SCFD2: variants seen among roughly 807,000 people sequenced by gnomAD.
SCFD2 encodes the protein sec1 family domain containing 2, also known as sec1 family domain-containing protein 2.
Under a neutral mutation model 58.9 loss-of-function variants are expected in SCFD2, and 54 were observed. The observed-to-expected ratio is 0.92, with a 90% CI of 0.74 to 1.15. The LOEUF (loss-of-function observed/expected upper bound fraction) is 1.15, where lower values mean the gene tolerates loss of function less well. Ranked by LOEUF, SCFD2 falls within the 50% of genes most tolerant of loss-of-function variation. SCFD2 has a pLI of 0.00. For synonymous variants in SCFD2, 321 were observed against 335.9 expected (o/e 0.96, Z 0.49); for missense variants, 805 against 836.6 (o/e 0.96, Z 0.47).
intron 3 of SCFD2, among the ~76,000 whole-genome samples, chr4:53,288,242 T>C (rs528444667): frequency 5.9e-4 from 90 of 152,246 alleles, no homozygotes; most frequent in Middle Eastern, 3.4e-3. Context: ...TTAGAAAGCC[T>C]GTGGGACTTA....
intron 4 of SCFD2, among the ~76,000 whole-genome samples, chr4:53,173,789 T>TA (rs1727248092): frequency 6.6e-6 from 1 of 152,152 alleles, no homozygotes; most frequent in African/African-American, 2.4e-5. Context: ...TTATGTAAAA[T>TA]ATAACAAGCT....
At chr4:53,149,114 C>A (rs1452699127) in intron 4 of SCFD2, among the ~76,000 whole-genome samples, 1 of 152,160 alleles carries the variant, frequency 6.6e-6, no homozygotes, top group Non-Finnish European at 1.5e-5. Context: ...ACATGTATTT[C>A]CTACTCTGTC....
At chr4:52,911,721 A>G (rs1487068960) in intron 6 of SCFD2, among the ~76,000 whole-genome samples, 1 of 152,158 alleles carries the variant, frequency 6.6e-6, no homozygotes, top group African/African-American at 2.4e-5. Context: ...TATAACAACA[A>G]TTTTGAAATA....
intron 5 of SCFD2, among the ~76,000 whole-genome samples, chr4:53,088,268 T>C (rs1378475064): frequency 6.6e-6 from 1 of 152,156 alleles, no homozygotes; most frequent in Non-Finnish European, 1.5e-5. Flanking sequence ...CAGGGCTGCC[T>C]TCCTTGGTTT....
rs138254106 is a variant in SCFD2 at position 53,320,762 on chromosome 4, T to C, written c.1008-6999A>G. On this transcript the variant is annotated intron_variant, in intron 2 of 8. Transcript: ENST00000401642. ...CTATTTCTTTTATTAAACCTCTTTT[T>C]CTTTTTCACAAGTCCAGTGACAGCA... 2.0e-4 allele frequency among the ~76,000 whole-genome samples: 30 copies of C among 152,358 alleles called. 1 individual carries two copies. In the East Asian group the frequency reaches 5.6e-3, roughly 28 times the overall value.
intron 7 of SCFD2, among the ~76,000 whole-genome samples, chr4:52,899,920 C>T (rs567250254): frequency 1.1e-4 from 16 of 152,146 alleles, no homozygotes; most frequent in Non-Finnish European, 1.8e-4. Context: ...TCGCTGATAC[C>T]CTTTTTTCCA....
chr4:53,226,372 C>G (rs1473146879), intron 4 of SCFD2, among the ~76,000 whole-genome samples: 2 of 151,984 alleles, frequency 1.3e-5, no homozygotes, highest in Non-Finnish European at 2.9e-5. Context: ...CTAGAAAATA[C>G]TGATAAACAT....
chr4:52,991,272 C>T (rs1040155546), intron 5 of SCFD2, among the ~76,000 whole-genome samples: 1 of 152,122 alleles, frequency 6.6e-6, no homozygotes, highest in African/African-American at 2.4e-5. Flanking sequence ...TTCATCCTCA[C>T]CAAAATCTCT....
intron 5 of SCFD2, among the ~76,000 whole-genome samples, chr4:53,141,454 C>A (rs1726162863): frequency 6.6e-6 from 1 of 151,952 alleles, no homozygotes; most frequent in Admixed American, 6.6e-5. Flanking sequence ...AGGAAAAAAA[C>A]AAAACAAAAC....
intron 5 of SCFD2, among the ~76,000 whole-genome samples, chr4:52,927,023 G>A (rs993199122): frequency 2.0e-5 from 3 of 152,096 alleles, no homozygotes; most frequent in East Asian, 1.9e-4. Flanking sequence ...TTCTAGTGAC[G>A]CTGACTGTAT....
intron 5 of SCFD2, among the ~76,000 whole-genome samples, chr4:53,044,432 G>A (rs1305477643): frequency 6.6e-6 from 1 of 151,872 alleles, no homozygotes; most frequent in Non-Finnish European, 1.5e-5. Context: ...CTCAGCACCT[G>A]GTTTCTGGAG....
At chr4:52,883,216 G>A (rs556890053) in intron 8 of SCFD2, among the ~76,000 whole-genome samples, 53 of 152,330 alleles carry the variant, frequency 3.5e-4, no homozygotes, top group African/African-American at 1.3e-3. Context: ...TCATGTCTCA[G>A]ATCGGCAGAG....
intron 5 of SCFD2, among the ~76,000 whole-genome samples, chr4:52,967,191 C>G (rs554507090): frequency 6.6e-6 from 1 of 152,198 alleles, no homozygotes; most frequent in Admixed American, 6.5e-5. Flanking sequence ...TAAACAACCT[C>G]AAGGGCATGT....
chr4:53,204,094 A>G (rs1728334550), intron 4 of SCFD2, among the ~76,000 whole-genome samples: 1 of 152,088 alleles, frequency 6.6e-6, no homozygotes, highest in Non-Finnish European at 1.5e-5. Context: ...AGAAAGATCT[A>G]ATACTGATTC....
chr4:53,228,185 G>A (rs1729287749), intron 4 of SCFD2, among the ~76,000 whole-genome samples: 1 of 152,134 alleles, frequency 6.6e-6, no homozygotes, highest in South Asian at 2.1e-4. Context: ...GCTCAATGGT[G>A]GTAGATGGGG....
intron 4 of SCFD2, among the ~76,000 whole-genome samples, chr4:53,164,803 A>AG (rs1726958734): frequency 1.3e-5 from 2 of 150,972 alleles, no homozygotes; most frequent in Middle Eastern, 3.2e-3. Context: ...AAAAAAAAAA[A>AG]AAAGAAGAAG....
In SCFD2 at chr4:53,365,084, C is replaced by T. The variant is rs1364350020; in HGVS notation, c.838+20G>A. The T allele has an allele frequency of 1.9e-6, 3 of 1,607,610 alleles. No homozygotes were observed. In the South Asian group the frequency reaches 3.3e-5, roughly 18 times the overall value. On this transcript the variant is annotated intron_variant, in intron 1 of 8. Coordinates refer to ENST00000401642, the MANE Select transcript of SCFD2 (RefSeq NM_152540.4). The surrounding 1 kb of genome is among the most constrained non-coding windows in gnomAD (Gnocchi z 4.3). ...CAATGTGGGGAATGGTAATGAAGAA[C>T]TCCAGAGCAATGCACTTACCTGTGA...
chr4:52,934,089 T>C (rs1720068075), intron 5 of SCFD2, among the ~76,000 whole-genome samples: 1 of 152,204 alleles, frequency 6.6e-6, no homozygotes, highest in African/African-American at 2.4e-5. Context: ...TATTCTGCTA[T>C]AGCAACACAA....
chr4:52,961,487 C>T (rs1362835975), intron 5 of SCFD2, among the ~76,000 whole-genome samples: 1 of 152,120 alleles, frequency 6.6e-6, no homozygotes. Flanking sequence ...TTTTTAAAAG[C>T]TAGCTTGAGT....
Sources: allele counts gnomAD v4.1 joint callset (sites outside exome capture counted in the v4.1 genomes callset), GRCh38; gene constraint gnomAD v4.1.1; non-coding constraint Gnocchi (gnomAD v3.1); transcripts MANE v1.5; gene names NCBI Gene and HGNC (gene_info 2026-07-23, HGNC 2026-07-21).